The following NOS3 variants were observed in gnomAD, a reference collection of about 807,000 sequenced individuals.
The protein encoded by NOS3 is NOS type III.
Under a neutral mutation model 144.9 loss-of-function variants are expected in NOS3, and 98 were observed. That is an observed-to-expected ratio of 0.68 (90% CI 0.57 to 0.80). The LOEUF (loss-of-function observed/expected upper bound fraction) is 0.80. Ranked by LOEUF, NOS3 falls within the 30% of genes least tolerant of loss-of-function variation. The pLI is 0.00. For missense variants in NOS3, 1,465 were observed against 1,656.4 expected, an observed-to-expected ratio of 0.88 and a Z score of 2.01; for synonymous variants, 714 against 702.4, an observed-to-expected ratio of 1.02 and a Z score of -0.26.
intron 15 of NOS3, 32 bp downstream of exon 15, chr7:151,006,526 G>A: frequency 6.4e-7 from 1 of 1,567,834 alleles, no homozygotes; most frequent in Non-Finnish European, 8.8e-7. Context: ...GGGAGCTGGG[G>A]GAGCTGATGC....
intron 1 of NOS3, among the ~76,000 whole-genome samples, chr7:150,992,243 G>C (rs1337173586): frequency 6.6e-6 from 1 of 152,096 alleles, no homozygotes; most frequent in African/African-American, 2.4e-5. Flanking sequence ...CTGGGACCTA[G>C]GAAAATGAGT....
intron 2 of NOS3, among the ~76,000 whole-genome samples, chr7:150,994,185 A>C (rs973659675): frequency 2.6e-5 from 4 of 152,020 alleles, no homozygotes; most frequent in Non-Finnish European, 5.9e-5. Context: ...CAGCTATAGA[A>C]TCTGGCCAGG....
intron 23 of NOS3, among the ~76,000 whole-genome samples, chr7:151,011,561 A>G (rs1255141844): frequency 5.7e-5 from 8 of 140,958 alleles, no homozygotes; most frequent in Non-Finnish European, 6.2e-5. Context: ...GCAGTGAGCC[A>G]AGATTGTGCC....
chr7:150,994,353 T>A (rs779260159), intron 2 of NOS3, among the ~76,000 whole-genome samples: 1 of 152,222 alleles, frequency 6.6e-6, no homozygotes, highest in Non-Finnish European at 1.5e-5. Context: ...GCGATGATTA[T>A]TTAGCTGGAG....
Position 151,010,881 on chromosome 7 carries a change from T to C in NOS3, c.2897-18T>C. 1 of 1,611,608 alleles carries C rather than the reference T, an allele frequency of 6.2e-7. No homozygotes were observed. Among genetic ancestry groups the C allele is most frequent in the South Asian group, 1.1e-5 (1 of 90,742 alleles). On this transcript the variant is annotated intron_variant, in intron 22 of 26. Transcript: ENST00000297494. ...GCCCCTCTCTGGCCCCTCACCGGCCTCTCCTTCCCACCCCCAGATGGGCTG... is the reference window on the plus strand; with the variant it reads ...GCCCCTCTCTGGCCCCTCACCGGCCCCTCCTTCCCACCCCCAGATGGGCTG...
intron 12 of NOS3, 94 bp downstream of exon 12, chr7:151,001,711 G>T (rs976296988): frequency 2.5e-6 from 4 of 1,575,862 alleles, no homozygotes; most frequent in Non-Finnish European, 3.5e-6. Context: ...GCAGTGTTCT[G>T]GGCCTACCAC....
At chr7:151,013,983 G>C (rs1194346626) in intron 26 of NOS3, 25 bp from the exon 27 acceptor site, 1 of 1,609,222 alleles carries the variant, frequency 6.2e-7, no homozygotes, top group South Asian at 1.1e-5. Flanking sequence ...GTCGGGTTCT[G>C]ATCCACTGTG....
rs3918229 is a variant in NOS3 at position 151,006,042 on chromosome 7, C to A, written c.1753-385C>A. Among the ~76,000 whole-genome samples the A allele has an allele frequency of 3.9e-5, 6 of 152,224 alleles. 1 individual carries two copies. Among genetic ancestry groups the A allele is most frequent in the Admixed American group, 3.9e-4 (6 of 15,290 alleles). On this transcript the variant is annotated intron_variant, in intron 14 of 26. Transcript: ENST00000297494. ...TATCTAAAAACAATACTACTACTTA[C>A]GTCAATATTGTTGTATTGACCTGGA...
rs915983885 is a variant in NOS3 at position 151,012,424 on chromosome 7, C to G, written c.3058C>G (p.Pro1020Ala). 1 of 1,610,004 alleles carries G rather than the reference C, an allele frequency of 6.2e-7. No individual in the cohort carries two copies. Among genetic ancestry groups the G allele is most frequent in the Non-Finnish European group, 8.5e-7 (1 of 1,178,626 alleles). ...GGTGGGTCCAGGCACTGGCATTGCC[C>G]CCTTCCGGGGATTCTGGCAGGAGCG... ...ILVGPGTGIA[P>A]FRGFWQERLH... Residue 1020 changes from proline to alanine, a missense_variant, in exon 24 of 27, where the codon CCC becomes GCC. Transcript: ENST00000297494.
rs754991283 is a variant in NOS3 at position 151,001,214 on chromosome 7, C to G, written c.1234-17C>G. On this transcript the variant is annotated splice_polypyrimidine_tract_variant and intron_variant, in intron 10 of 26. Transcript: ENST00000297494. ...GTGGGTCTGGTTTGAGCCTCTCCCC[C>G]TCTCTCTCCCTTCCAGCTAGCCAAA... 1.4e-5 allele frequency: 22 copies of G among 1,610,608 alleles called. 1 individual carries two copies. Among genetic ancestry groups the G allele is most frequent in the Middle Eastern group, 1.7e-4 (1 of 5,894 alleles).
Position 150,993,158 on chromosome 7 carries a change from G to A in NOS3, c.-51-595G>A, listed in dbSNP as rs1021786900. 2.0e-5 allele frequency among the ~76,000 whole-genome samples: 3 copies of A among 152,182 alleles called. No homozygotes were observed. Among genetic ancestry groups the A allele is most frequent in the African/African-American group, 7.2e-5 (3 of 41,422 alleles). ...GGGGGTTCCAGGAAATTGGGGCTGGGAGGGGAAGGGATACCCTAATGTCAG... is the reference window on the plus strand; with the variant it reads ...GGGGGTTCCAGGAAATTGGGGCTGGAAGGGGAAGGGATACCCTAATGTCAG... On this transcript the variant is annotated intron_variant, in intron 1 of 26. Transcript: ENST00000297494. The surrounding 1 kb of genome is among the most constrained non-coding windows in gnomAD (Gnocchi z 4.0).
In NOS3 at chr7:150,992,596, C is replaced by T. The variant is rs1165998893; in HGVS notation, c.-51-1157C>T. ...TGACCCCAGAGCTCTGAGCACAGCC[C>T]GTTCCTTCCGCCTGCCGGCCCCCCA... On this transcript the variant is annotated intron_variant, in intron 1 of 26. Transcript: ENST00000297494. 2.3e-4 allele frequency among the ~76,000 whole-genome samples: 35 copies of T among 152,170 alleles called. 1 individual carries two copies.
Position 151,013,375 on chromosome 7 carries a change from C to T in NOS3, c.3251C>T (p.Pro1084Leu), listed in dbSNP as rs1490819210. Residue 1084 changes from proline (P) to leucine (L), a missense_variant, in exon 25 of 27, where the codon CCC (proline) becomes CTC (leucine). Coordinates refer to ENST00000297494, the MANE Select transcript of NOS3 (RefSeq NM_000603.5). ...GCCTTCTCCCGGGAACCTGACAACC[C>T]CAAGGTGTGAGACCCTGAGGGCGCA... The part of the protein sequence containing the change: ...LTAFSREPDN[P>L]KTYVQDILRT... 16 of 1,612,616 alleles carry T rather than the reference C, an allele frequency of 9.9e-6. No individual in the cohort carries two copies. The highest frequency in any genetic ancestry group is 1.3e-5 in the African/African-American group (1 of 74,922).
intron 3 of NOS3, 93 bp downstream of exon 3, chr7:150,995,407 C>G: frequency 1.3e-6 from 1 of 762,252 alleles, no homozygotes; most frequent in Non-Finnish European, 2.2e-6. Context: ...CTCAACCCTT[C>G]TTTGAATTGG....
rs1051395795 is a variant in NOS3 at position 151,009,392 on chromosome 7, C to T, written c.2325-6C>T. On this transcript the variant is annotated splice_polypyrimidine_tract_variant and splice_region_variant and intron_variant, in intron 19 of 26. Transcript: ENST00000297494. ...TCCCCATAAGTGCCCCTCTCCCCACCCCCAGGAGGGCCACCATCCTGGTGC... is the reference window on the plus strand; with the variant it reads ...TCCCCATAAGTGCCCCTCTCCCCACTCCCAGGAGGGCCACCATCCTGGTGC... 1.9e-5 allele frequency: 28 copies of T among 1,503,170 alleles called. No homozygotes were observed. In the Middle Eastern group the frequency reaches 1.0e-3, roughly 56 times the overall value. 93.1% of individuals were successfully genotyped at this position (1,503,170 alleles called of 1,614,324 possible).
Position 151,014,017 on chromosome 7 carries a change from C to T in NOS3, c.3460C>T (p.Arg1154Cys), listed in dbSNP as rs1399853333. The T allele has an allele frequency of 3.7e-6, 6 of 1,612,636 alleles. No homozygotes were observed. The African/African-American group carries it at 4.0e-5, about 11-fold the overall frequency. ...TGCTCTTTTCCGACAGGATCAGCAA[C>T]GCTACCACGAAGACATTTTCGGGCT... ...DVIGVLRDQQ[R>C]YHEDIFGLTL... The change falls in exon 27 of 27, where the codon CGC (arginine) becomes TGC (cysteine). Residue 1154 changes from arginine to cysteine, a missense_variant. Arg to Cys is a radical substitution (Grantham distance 180, BLOSUM62 -3). This residue lies in a region of NOS3 where 228 missense variants were observed against 227.7 expected (regional missense o/e 1.00). Transcript: ENST00000297494.
At chr7:150,996,654 C>A in intron 4 of NOS3, 102 bp downstream of exon 4, 1 of 1,484,872 alleles carries the variant, frequency 6.7e-7, no homozygotes. Context: ...ATCCTAACAC[C>A]ACGTGGGCCC....
rs1463032569 is a variant in NOS3, at chr7:151,000,223, C to A, written c.1132-275C>A. Among the ~76,000 whole-genome samples, 2 of 151,866 alleles carry A rather than the reference C, an allele frequency of 1.3e-5. 1 individual carries two copies. Among genetic ancestry groups the A allele is most frequent in the African/African-American group, 4.8e-5 (2 of 41,250 alleles). ...ATAGCTCTAGAGCTTTCATCAGATTCTCAAAGGGGACCTTGACTCGGCAAA... is the reference window on the plus strand; with the variant it reads ...ATAGCTCTAGAGCTTTCATCAGATTATCAAAGGGGACCTTGACTCGGCAAA... On this transcript the variant is annotated intron_variant, in intron 9 of 26. Coordinates refer to ENST00000297494, the MANE Select transcript of NOS3 (RefSeq NM_000603.5).
At chr7:151,010,357 G>T in intron 21 of NOS3, 70 bp downstream of exon 21, 1 of 1,450,108 alleles carries the variant, frequency 6.9e-7, no homozygotes, top group Non-Finnish European at 9.4e-7. Context: ...CCAGTGGCAG[G>T]AAACCCCCAT....
Sources: gnomAD v4.1 joint callset for allele counts (sites outside exome capture counted in the v4.1 genomes callset) on GRCh38, gnomAD v4.1.1 for gene constraint, gnomAD v4.1.1 regional missense constraint, Gnocchi (gnomAD v3.1) non-coding constraint, MANE v1.5 for transcripts, NCBI Gene and HGNC (gene_info 2026-07-23, HGNC 2026-07-21) for gene names.